Variants in KCNIP4 observed in about 807,000 individuals in gnomAD.
The protein encoded by KCNIP4 is potassium voltage-gated channel interacting protein 4, also known as Kv channel-interacting protein 4.
In KCNIP4, 12 loss-of-function variants were observed where a neutral mutation model predicts 34.0. The observed-to-expected ratio is 0.35, with a 90% confidence interval of 0.23 to 0.57. The LOEUF (loss-of-function observed/expected upper bound fraction) is 0.57. Ranked by LOEUF, KCNIP4 falls within the 20% of genes least tolerant of loss-of-function variation. The pLI, the probability that KCNIP4 is intolerant of heterozygous loss-of-function variation, is 0.83. For synonymous variants in KCNIP4, 124 were observed against 102.2 expected (o/e 1.21, Z -1.29); for missense variants, 238 against 311.7 (o/e 0.76, Z 1.78).
chr4:20,849,863 C>T (rs1416451996), intron 3 of KCNIP4, among the ~76,000 whole-genome samples: 1 of 152,210 alleles, frequency 6.6e-6, no homozygotes, highest in African/African-American at 2.4e-5. Flanking sequence ...TCTTCTCTGG[C>T]TTTTGAATAA....
At position 21,234,346 on chromosome 4, in the gene KCNIP4, CATTAT is replaced by C. The variant is rs1033329361; in HGVS notation, c.62-351642_62-351638del. Among the ~76,000 whole-genome samples the C allele has an allele frequency of 8.1e-5, 6 of 73,648 alleles. No homozygotes were observed. The East Asian group carries it at 1.3e-3, about 15-fold the overall frequency. The allele number at this position is 73,648 out of a possible 152,430, so 48.3% of individuals were successfully genotyped here. A position where few individuals can be genotyped will look rare whatever the true frequency, so the allele number is the denominator to read the frequency against. On this transcript the variant is annotated intron_variant, in intron 1 of 8. Transcript: ENST00000382152. ...ACATATATAAATTATATATAACATACATTATATATAACATATATAATATATAACAT... is the reference window on the plus strand; with the variant it reads ...ACATATATAAATTATATATAACATACATATAACATATATAATATATAACAT...
intron 1 of KCNIP4, among the ~76,000 whole-genome samples, chr4:21,112,766 A>G (rs1279063068): frequency 2.0e-5 from 3 of 152,172 alleles, no homozygotes; most frequent in African/African-American, 7.2e-5. Context: ...TATAATCTGT[A>G]GTGTATTTGT....
At chr4:21,362,310 G>A (rs1719314522) in intron 1 of KCNIP4, among the ~76,000 whole-genome samples, 1 of 152,158 alleles carries the variant, frequency 6.6e-6, no homozygotes, top group African/African-American at 2.4e-5. Context: ...CATGGAGACA[G>A]ACCTCATGGT....
intron 1 of KCNIP4, among the ~76,000 whole-genome samples, chr4:20,903,743 G>A (rs1426728150): frequency 1.3e-5 from 2 of 152,210 alleles, no homozygotes; most frequent in South Asian, 2.1e-4. Context: ...TGAGGGCTGC[G>A]TCACGGGCCA....
At chr4:21,509,489 C>T (rs1734122514) in intron 1 of KCNIP4, among the ~76,000 whole-genome samples, 1 of 152,104 alleles carries the variant, frequency 6.6e-6, no homozygotes, top group Admixed American at 6.6e-5. Flanking sequence ...AAAGAGATAC[C>T]AGTGCTGTAG....
chr4:21,212,364 T>A (rs1757276521), intron 1 of KCNIP4, among the ~76,000 whole-genome samples: 1 of 152,170 alleles, frequency 6.6e-6, no homozygotes, highest in Non-Finnish European at 1.5e-5. Context: ...ATTAGGTAAT[T>A]TCTCTTGGAA....
At chr4:20,737,434 A>G (rs1055207699) in intron 5 of KCNIP4, among the ~76,000 whole-genome samples, 1 of 152,192 alleles carries the variant, frequency 6.6e-6, no homozygotes, top group African/African-American at 2.4e-5. Context: ...AGAATCTAAA[A>G]AGAGTAAGAG....
At chr4:21,324,339 G>A (rs751384671) in intron 1 of KCNIP4, among the ~76,000 whole-genome samples, 3 of 151,918 alleles carry the variant, frequency 2.0e-5, no homozygotes, top group Non-Finnish European at 4.4e-5. Context: ...ATGTCCTGGG[G>A]AATTTTCTCA....
At chr4:21,238,133 T>C (rs1333112434) in intron 1 of KCNIP4, among the ~76,000 whole-genome samples, 3 of 152,146 alleles carry the variant, frequency 2.0e-5, no homozygotes, top group Non-Finnish European at 4.4e-5. Context: ...AAAAACCACA[T>C]GATTACCTCA....
At chr4:21,690,231 C>G (rs1751166700) in intron 1 of KCNIP4, among the ~76,000 whole-genome samples, 1 of 151,356 alleles carries the variant, frequency 6.6e-6, no homozygotes, top group African/African-American at 2.4e-5. Context: ...TTAAGGGAAG[C>G]TCCTCAGATC....
At chr4:21,302,233 G>A (rs2109245006) in intron 1 of KCNIP4, among the ~76,000 whole-genome samples, 1 of 152,254 alleles carries the variant, frequency 6.6e-6, no homozygotes, top group African/African-American at 2.4e-5. Flanking sequence ...GTTCTCATTT[G>A]GGAGAGGGAA....
chr4:21,086,648 C>T (rs1746457516), intron 1 of KCNIP4, among the ~76,000 whole-genome samples: 1 of 152,056 alleles, frequency 6.6e-6, no homozygotes, highest in Admixed American at 6.6e-5. Flanking sequence ...TTCTTGTATT[C>T]TTTCCCTCTG....
intron 1 of KCNIP4, among the ~76,000 whole-genome samples, chr4:21,879,615 C>G (rs1414695903): frequency 6.6e-6 from 1 of 152,198 alleles, no homozygotes; most frequent in Non-Finnish European, 1.5e-5. Flanking sequence ...AGGAAAGTAT[C>G]AAGAAGGAAA....
At chr4:20,734,532 A>C in intron 6 of KCNIP4, 96 bp downstream of exon 6, 1 of 618,620 alleles carries the variant, frequency 1.6e-6, no homozygotes, top group East Asian at 3.1e-5. Context: ...GAATTTCCTC[A>C]AAAAAACTTT....
chr4:21,247,982 TACACACACACAC>T (rs571498756), intron 1 of KCNIP4, among the ~76,000 whole-genome samples: 1 of 105,094 alleles, frequency 9.5e-6, no homozygotes, highest in East Asian at 2.5e-4. Context: ...CATATATATA[TACACACACACAC>T]ACACACACAC....
intron 1 of KCNIP4, among the ~76,000 whole-genome samples, chr4:21,037,964 G>C (rs946892737): frequency 3.0e-3 from 4 of 1,338 alleles, no homozygotes; most frequent in Non-Finnish European, 0.018. Context: ...AAATGCTGGG[G>C]GTTTTTTTTT....
chr4:21,571,512 C>T (rs1740366751), intron 1 of KCNIP4, among the ~76,000 whole-genome samples: 1 of 152,156 alleles, frequency 6.6e-6, no homozygotes, highest in Non-Finnish European at 1.5e-5. Context: ...GACAAAACCT[C>T]CACATAAATA....
intron 1 of KCNIP4, among the ~76,000 whole-genome samples, chr4:21,322,451 A>G (rs1361962327): frequency 1.3e-5 from 2 of 152,182 alleles, no homozygotes; most frequent in Non-Finnish European, 2.9e-5. Flanking sequence ...TGGCTAGCCT[A>G]TAACACATAA....
chr4:20,924,022 A>C (rs2149590194), intron 1 of KCNIP4, among the ~76,000 whole-genome samples: 1 of 152,282 alleles, frequency 6.6e-6, no homozygotes, highest in African/African-American at 2.4e-5. Flanking sequence ...AGTACCACAT[A>C]TGATTTATTT....
Sources: allele counts gnomAD v4.1 joint callset (sites outside exome capture counted in the v4.1 genomes callset), GRCh38; gene constraint gnomAD v4.1.1; transcripts MANE v1.5; gene names NCBI Gene and HGNC (gene_info 2026-07-23, HGNC 2026-07-21).